ZNF385D: variants seen among roughly 807,000 people sequenced by gnomAD.
ZNF385D encodes zinc finger protein 385D, also known as zinc finger protein 659.
A neutral mutation model predicts 35.8 loss-of-function variants in ZNF385D; 15 were observed. The observed-to-expected ratio is 0.42, with a 90% CI of 0.28 to 0.64. The LOEUF is 0.64. Ranked by LOEUF, ZNF385D falls within the 30% of genes least tolerant of loss-of-function variation. The probability of loss-of-function intolerance (pLI) is 0.23; values close to 1 mark genes in which losing one functional copy is unlikely to be tolerated. For missense variants in ZNF385D, 474 were observed against 494.6 expected (o/e 0.96, Z 0.39); for synonymous variants, 212 against 186.8 (o/e 1.13, Z -1.10).
intron 1 of ZNF385D, among the ~76,000 whole-genome samples, chr3:21,693,649 CCTTTGTAAAG>C (rs1220973271): frequency 1.4e-4 from 21 of 151,990 alleles, no homozygotes; most frequent in African/African-American, 5.1e-4. Flanking sequence ...AAGTATATGT[CCTTTGTAAAG>C]TATAACAGGT....
chr3:21,841,144 A>G (rs942427451), intron 3 of ZNF385D, among the ~76,000 whole-genome samples: 1 of 152,082 alleles, frequency 6.6e-6, no homozygotes, highest in Non-Finnish European at 1.5e-5. Context: ...TACTATGTAT[A>G]TTACTCTGCA....
intron 3 of ZNF385D, among the ~76,000 whole-genome samples, chr3:22,080,024 C>A (rs527472481): frequency 6.6e-6 from 1 of 152,138 alleles, no homozygotes; most frequent in East Asian, 1.9e-4. Context: ...AAAGTTGTTA[C>A]ACTTTCCTGG....
At chr3:21,720,404 G>A (rs2068492024) in intron 1 of ZNF385D, among the ~76,000 whole-genome samples, 1 of 152,070 alleles carries the variant, frequency 6.6e-6, no homozygotes, top group African/African-American at 2.4e-5. Flanking sequence ...AAATTTAAAT[G>A]TTATCCTGGT....
intron 2 of ZNF385D, among the ~76,000 whole-genome samples, chr3:21,638,817 A>G (rs2065520326): frequency 1.3e-5 from 2 of 152,252 alleles, no homozygotes; most frequent in East Asian, 1.9e-4. Flanking sequence ...ATAGTGAAAT[A>G]TAAGCTTGTA....
At chr3:21,849,605 CTTTTTTTTTTT>C (rs3073866) in intron 3 of ZNF385D, 17 of 108,108 alleles carry the variant, frequency 1.6e-4, no homozygotes, top group Admixed American at 5.6e-4. Context: ...AAACCCATTT[CTTTTTTTTTTT>C]TTTTTTTTTT....
chr3:21,766,007 A>G (rs1238055169), intron 3 of ZNF385D, among the ~76,000 whole-genome samples: 3 of 152,104 alleles, frequency 2.0e-5, no homozygotes, highest in Non-Finnish European at 4.4e-5. Flanking sequence ...TTTTGACTAC[A>G]TGTAAACAAG....
At chr3:22,044,569 T>C (rs1698868698) in intron 3 of ZNF385D, among the ~76,000 whole-genome samples, 1 of 152,122 alleles carries the variant, frequency 6.6e-6, no homozygotes, top group African/African-American at 2.4e-5. Flanking sequence ...CCTTATGTTT[T>C]GGAGAAGGGA....
At position 21,738,418 on chromosome 3, in the gene ZNF385D, G is replaced by A. The variant is rs1460476259; in HGVS notation, c.22+12477C>T. ...CTGATAATTCTTCCATAACAGGGCT[G>A]TTGTGAAGACTGTTTGGGTTGCCAT... On this transcript the variant is annotated intron_variant, in intron 1 of 7. Transcript: ENST00000281523. Among the ~76,000 whole-genome samples, 3 of 152,182 alleles carry A rather than the reference G, an allele frequency of 2.0e-5. No homozygotes were observed. The East Asian group carries it at 5.8e-4, about 29-fold the overall frequency.
At chr3:21,441,039 A>C (rs538038852) in intron 4 of ZNF385D, among the ~76,000 whole-genome samples, 1 of 152,270 alleles carries the variant, frequency 6.6e-6, no homozygotes, top group East Asian at 1.9e-4. Flanking sequence ...TTTTGTGCTA[A>C]GTTCTGTCCC....
Position 21,948,055 on chromosome 3 carries a change from G to A in ZNF385D, c.325+220762C>T, listed in dbSNP as rs557267755. Among the ~76,000 whole-genome samples, 309 of 151,934 alleles carry A rather than the reference G, an allele frequency of 2.0e-3. 1 individual carries two copies. The highest frequency in any genetic ancestry group is 7.0e-3 in the African/African-American group (291 of 41,432). On this transcript the variant is annotated intron_variant, in intron 3 of 5. Transcript: ENST00000494108. ...TCATATAAATTTATGTCTGATTCTG[G>A]ACTTTCTGTTATAATTTACTAATTA...
At chr3:21,864,094 T>C (rs543339368) in intron 3 of ZNF385D, among the ~76,000 whole-genome samples, 63 of 152,264 alleles carry the variant, frequency 4.1e-4, no homozygotes, top group Non-Finnish European at 6.8e-4. Context: ...CCGATGAATA[T>C]AGTTGTGTAT....
At chr3:21,462,334 G>A (rs1211854653) in intron 4 of ZNF385D, among the ~76,000 whole-genome samples, 1 of 152,094 alleles carries the variant, frequency 6.6e-6, no homozygotes, top group Non-Finnish European at 1.5e-5. Flanking sequence ...CAGTGAGTAA[G>A]CAGACATTCA....
intron 3 of ZNF385D, among the ~76,000 whole-genome samples, chr3:22,105,379 C>G (rs181231790): frequency 6.6e-6 from 1 of 151,322 alleles, no homozygotes; most frequent in Non-Finnish European, 1.5e-5. Flanking sequence ...ATATCTCTCT[C>G]TATATGTGTG....
intron 3 of ZNF385D, among the ~76,000 whole-genome samples, chr3:21,958,650 A>G (rs1053008005): frequency 3.3e-5 from 5 of 152,160 alleles, no homozygotes; most frequent in African/African-American, 1.2e-4. Flanking sequence ...ACTAGATTCT[A>G]TCGCCAAATT....
intron 1 of ZNF385D, among the ~76,000 whole-genome samples, chr3:21,725,272 A>G (rs28852504): frequency 0.16 from 24,200 of 152,170 alleles, 2,401 homozygotes; most frequent in Admixed American, 0.29. Context: ...AATTAAAAGA[A>G]CTAGAGAAAC....
chr3:21,948,225 T>C (rs1233661078), intron 3 of ZNF385D, among the ~76,000 whole-genome samples: 1 of 151,206 alleles, frequency 6.6e-6, no homozygotes, highest in African/African-American at 2.5e-5. Context: ...GGCCCTCATT[T>C]TTTTTACACT....
chr3:21,864,701 G>C (rs1697238812), intron 3 of ZNF385D, among the ~76,000 whole-genome samples: 1 of 152,004 alleles, frequency 6.6e-6, no homozygotes, highest in Non-Finnish European at 1.5e-5. Context: ...CTATGGGTTT[G>C]CCTGAAGATA....
chr3:22,341,944 A>G (rs1434499052), intron 2 of ZNF385D, among the ~76,000 whole-genome samples: 1 of 152,192 alleles, frequency 6.6e-6, no homozygotes, highest in East Asian at 1.9e-4. Context: ...AAAAGTGCCA[A>G]GTACATAGTT....
chr3:22,034,040 T>C (rs772182402), intron 3 of ZNF385D, among the ~76,000 whole-genome samples: 3 of 152,198 alleles, frequency 2.0e-5, no homozygotes, highest in Non-Finnish European at 4.4e-5. Flanking sequence ...CTGTAAGTCC[T>C]GAGCAAACCG....
Sources: gnomAD v4.1 joint callset for allele counts (sites outside exome capture counted in the v4.1 genomes callset) on GRCh38, gnomAD v4.1.1 for gene constraint, MANE v1.5 for transcripts, NCBI Gene and HGNC (gene_info 2026-07-23, HGNC 2026-07-21) for gene names.